Variants in CPM observed in about 807,000 individuals in gnomAD.
The protein encoded by CPM is carboxypeptidase M.
Under a neutral mutation model 46.4 loss-of-function variants are expected in CPM, and 35 were observed. The observed-to-expected ratio is 0.75, with a 90% confidence interval of 0.58 to 1.00. The LOEUF (loss-of-function observed/expected upper bound fraction) is 1.00. CPM is among the 50% of genes least tolerant of loss of function. The pLI is 0.00. For missense variants in CPM, 422 were observed against 530.4 expected, an observed-to-expected ratio of 0.80 and a Z score of 2.01; for synonymous variants, 195 against 195.3, an observed-to-expected ratio of 1.00 and a Z score of 0.01.
upstream of CPM, among the ~76,000 whole-genome samples, chr12:68,937,216 A>G (rs531529111): frequency 8.0e-4 from 122 of 152,370 alleles, no homozygotes; most frequent in African/African-American, 2.8e-3. Flanking sequence ...TTGAGTTTGT[A>G]TATGTTAGGA....
chr12:68,932,056 A>C (rs1025722683), intron 2 of CPM, among the ~76,000 whole-genome samples: 4 of 152,242 alleles, frequency 2.6e-5, no homozygotes, highest in Non-Finnish European at 4.4e-5. Flanking sequence ...AAATGGATAC[A>C]TTTTAAAAAC....
At chr12:68,904,287 T>G (rs547190703) in intron 2 of CPM, among the ~76,000 whole-genome samples, 32 of 152,330 alleles carry the variant, frequency 2.1e-4, no homozygotes, top group African/African-American at 7.5e-4. Context: ...CTCTTGACTA[T>G]AACAGATACC....
chr12:68,895,577 T>G (rs1383355270), intron 2 of CPM, among the ~76,000 whole-genome samples: 1 of 152,226 alleles, frequency 6.6e-6, no homozygotes, highest in Non-Finnish European at 1.5e-5. Context: ...TGACTTTCCC[T>G]CTAGTGAGTG....
intron 5 of CPM, chr12:68,844,519 G>A: frequency 4.4e-6 from 1 of 228,890 alleles, no homozygotes; most frequent in Non-Finnish European, 8.7e-6. Context: ...GGGAGTTTGG[G>A]CTAGCCACCG....
intron 7 of CPM, among the ~76,000 whole-genome samples, chr12:68,863,763 C>T (rs1175677215): frequency 6.6e-6 from 1 of 152,302 alleles, no homozygotes; most frequent in East Asian, 1.9e-4. Context: ...CAAGGTGGCT[C>T]AGAGACTTCC....
At chr12:68,896,839 T>C (rs909562994) in intron 2 of CPM, among the ~76,000 whole-genome samples, 13 of 152,194 alleles carry the variant, frequency 8.5e-5, no homozygotes, top group Non-Finnish European at 4.4e-5. Flanking sequence ...TCCATTTCAT[T>C]TCTTCCTGAA....
chr12:68,958,243 T>A (rs1889057072), intron 1 of CPM, among the ~76,000 whole-genome samples: 6 of 152,178 alleles, frequency 3.9e-5, no homozygotes, highest in Admixed American at 3.9e-4. Flanking sequence ...TACTTCTAGT[T>A]CTAGATCCTT....
chr12:68,889,206 T>C (rs1159023978), intron 2 of CPM, among the ~76,000 whole-genome samples: 2 of 152,184 alleles, frequency 1.3e-5, no homozygotes, highest in Admixed American at 6.5e-5. Context: ...GTAGTTGATA[T>C]TTAGGTACAC....
chr12:68,916,376 A>G (rs931180234), intron 2 of CPM, among the ~76,000 whole-genome samples: 6 of 152,234 alleles, frequency 3.9e-5, no homozygotes, highest in African/African-American at 1.4e-4. Flanking sequence ...ATTTCTAATA[A>G]GTTTTAGACA....
At chr12:68,922,385 C>T (rs1032907992) in intron 2 of CPM, among the ~76,000 whole-genome samples, 1 of 152,186 alleles carries the variant, frequency 6.6e-6, no homozygotes, top group African/African-American at 2.4e-5. Context: ...CACGGATTTG[C>T]ATCAGAATAA....
intron 7 of CPM, among the ~76,000 whole-genome samples, chr12:68,862,999 GCTTCATGAATGAAAAGT>G (rs1341360542): frequency 7.9e-5 from 12 of 152,188 alleles, no homozygotes; most frequent in African/African-American, 2.7e-4. Context: ...ATGGATTAGA[GCTTCATGAATGAAAAGT>G]CTTGGCTGGG....
At chr12:68,897,834 C>T (rs540932500) in intron 2 of CPM, among the ~76,000 whole-genome samples, 31 of 151,570 alleles carry the variant, frequency 2.0e-4, no homozygotes, top group African/African-American at 3.1e-4. Flanking sequence ...ATGGACATTC[C>T]GGTTCAGTGT....
At chr12:68,942,237 G>A (rs1888777118) in intron 1 of CPM, among the ~76,000 whole-genome samples, 2 of 152,158 alleles carry the variant, frequency 1.3e-5, no homozygotes, top group African/African-American at 4.8e-5. Flanking sequence ...ACCAAACAGA[G>A]TAGTTCTTTT....
In CPM at chr12:68,856,122, T is replaced by G. The variant is rs927864348; in HGVS notation, c.*315A>C. The G allele has an allele frequency of 7.2e-5, 22 of 305,038 alleles. No individual in the cohort carries two copies. Among genetic ancestry groups the G allele is most frequent in the African/African-American group, 4.7e-4 (22 of 47,308 alleles). 18.9% of individuals were successfully genotyped at this position (305,038 alleles called of 1,614,324 possible). On this transcript the variant is annotated 3_prime_UTR_variant, in exon 9 of 9. Coordinates refer to ENST00000551568, the MANE Select transcript of CPM (RefSeq NM_198320.5). ...GTTCTCTGTATACAAAATGATCTTCTTTTTGCAGGCATTTTTTTGCTTCTC... is the reference window on the plus strand; with the variant it reads ...GTTCTCTGTATACAAAATGATCTTCGTTTTGCAGGCATTTTTTTGCTTCTC...
chr12:68,885,955 T>G (rs958799355), intron 2 of CPM, 66 bp from the exon 3 acceptor site: 1 of 1,417,894 alleles, frequency 7.1e-7, no homozygotes, highest in African/African-American at 1.4e-5. Flanking sequence ...TGAACTCTGG[T>G]AAGACTAGGA....
chr12:68,845,015 G>A (rs995899816), intron 5 of CPM: 22 of 197,468 alleles, frequency 1.1e-4, no homozygotes, highest in African/African-American at 4.2e-4. Context: ...TGATCTGCCC[G>A]CCTTGGCCCC....
chr12:68,883,576 A>G (rs1886290788), intron 3 of CPM, among the ~76,000 whole-genome samples: 1 of 152,176 alleles, frequency 6.6e-6, no homozygotes, highest in Non-Finnish European at 1.5e-5. Flanking sequence ...AGAGCGCACT[A>G]GCGAGCCCTG....
chr12:68,864,269 AC>A (rs1377478351), intron 7 of CPM, among the ~76,000 whole-genome samples: 1 of 152,126 alleles, frequency 6.6e-6, no homozygotes, highest in African/African-American at 2.4e-5. Flanking sequence ...ATATGGTGAA[AC>A]CCTGTCTCTA....
At chr12:68,948,669 A>C (rs975963748) in intron 1 of CPM, among the ~76,000 whole-genome samples, 3 of 152,208 alleles carry the variant, frequency 2.0e-5, no homozygotes, top group African/African-American at 7.2e-5. Context: ...GTTAGGAGGA[A>C]ATAGTCTCAA....
Sources: gnomAD v4.1 joint callset for allele counts (sites outside exome capture counted in the v4.1 genomes callset) on GRCh38, gnomAD v4.1.1 for gene constraint, MANE v1.5 for transcripts, NCBI Gene and HGNC (gene_info 2026-07-23, HGNC 2026-07-21) for gene names.